Variants in F11 observed in about 807,000 individuals in gnomAD.
The protein encoded by F11 is coagualtion factor XI.
In F11, 78 loss-of-function variants were observed where a neutral mutation model predicts 76.5. The observed-to-expected ratio is 1.02, with a 90% CI of 0.85 to 1.23. The LOEUF is 1.23. Ranked by LOEUF, F11 falls within the 50% of genes most tolerant of loss-of-function variation. The probability of loss-of-function intolerance (pLI) is 0.00; values close to 1 mark genes in which losing one functional copy is unlikely to be tolerated. For synonymous variants in F11, 278 were observed against 276.3 expected (o/e 1.01, Z -0.06); for missense variants, 742 against 771.4 (o/e 0.96, Z 0.45).
intron 2 of F11, among the ~76,000 whole-genome samples, chr4:186,269,635 G>A (rs534027212): frequency 1.3e-5 from 2 of 152,334 alleles, no homozygotes; most frequent in South Asian, 2.1e-4. Context: ...AATGGGCACA[G>A]AGCATCAGCT....
At chr4:186,278,881 C>T (rs886672965) in intron 7 of F11, among the ~76,000 whole-genome samples, 4 of 152,166 alleles carry the variant, frequency 2.6e-5, no homozygotes, top group Admixed American at 2.6e-4. Context: ...GTCCAAAGAT[C>T]AAGCCTTGGG....
intron 10 of F11, chr4:186,281,862 T>G (rs566878878): frequency 1.7e-6 from 2 of 1,203,666 alleles, no homozygotes; most frequent in African/African-American, 3.1e-5. Context: ...TCTGAGAACT[T>G]GTTTTGTAGA....
chr4:186,268,639 A>T (rs943530813), intron 2 of F11, among the ~76,000 whole-genome samples: 22 of 152,206 alleles, frequency 1.4e-4, no homozygotes, highest in African/African-American at 5.3e-4. Context: ...GAATAATAAT[A>T]AAAAGGGAAT....
Position 186,273,996 on chromosome 4 carries a change from C to T in F11, c.326-120C>T, listed in dbSNP as rs4253837. 9,003 of 1,106,784 alleles carry T rather than the reference C, an allele frequency of 8.1e-3. 419 individuals carry two copies. In the African/African-American group the frequency reaches 0.11, roughly 13 times the overall value. 68.6% of individuals were successfully genotyped at this position (1,106,784 alleles called of 1,614,324 possible). A position where few individuals can be genotyped will look rare whatever the true frequency, so the allele number is the denominator to read the frequency against. On this transcript the variant is annotated intron_variant, in intron 4 of 14. Transcript: ENST00000403665. ...ATAAGAATTTTGCAGATTAATATAA[C>T]GAAAGACCTCTGAGGAAAGGTGGGT...
chr4:186,279,188 C>T (rs1468134716), intron 7 of F11, among the ~76,000 whole-genome samples: 4 of 152,244 alleles, frequency 2.6e-5, no homozygotes, highest in East Asian at 3.9e-4. Context: ...ACGAGACCAT[C>T]CTGGCCAACA....
At chr4:186,276,582 CTTTTTTTTT>C (rs33965536) in intron 7 of F11, among the ~76,000 whole-genome samples, 192 bp downstream of exon 7, 4 of 75,916 alleles carry the variant, frequency 5.3e-5, no homozygotes, top group Non-Finnish European at 1.0e-4. Flanking sequence ...ACCGAGGACT[CTTTTTTTTT>C]TTTTTTTTTT....
In F11 at chr4:186,271,710, C is replaced by T. The variant is rs55956266; in HGVS notation, c.157C>T (p.His53Tyr). The T allele has an allele frequency of 3.1e-6, 5 of 1,614,192 alleles. No homozygotes were observed. Among genetic ancestry groups the T allele is most frequent in the South Asian group, 1.1e-5 (1 of 91,080 alleles). ...GTACTGCCAGGTAGTCTGCACTTACCACCCAAGATGTTTACTCTTCACTTT... is the reference window on the plus strand; with the variant it reads ...GTACTGCCAGGTAGTCTGCACTTACTACCCAAGATGTTTACTCTTCACTTT... ...AKYCQVVCTY[H>Y]PRCLLFTFTA... The change falls in exon 3 of 15, where the codon CAC becomes TAC. Residue 53 changes from histidine to tyrosine, a missense_variant. Physicochemically the swap from His to Tyr is moderately conservative, Grantham distance 83. Coordinates refer to ENST00000403665, the MANE Select transcript of F11 (RefSeq NM_000128.4).
At chr4:186,269,816 C>T (rs1739799793) in intron 2 of F11, among the ~76,000 whole-genome samples, 1 of 152,142 alleles carries the variant, frequency 6.6e-6, no homozygotes, top group South Asian at 2.1e-4. Context: ...CCGAAAAATG[C>T]TTGCTAAAAT....
chr4:186,288,350 G>T (rs2126790580), intron 14 of F11, 103 bp from the exon 15 acceptor site: 4 of 1,450,454 alleles, frequency 2.8e-6, no homozygotes, highest in Non-Finnish European at 3.9e-6. Flanking sequence ...ATATTAAGGG[G>T]CCAAGACAAC....
At chr4:186,288,225 T>C (rs1280168101) in intron 14 of F11, among the ~76,000 whole-genome samples, 2 of 152,190 alleles carry the variant, frequency 1.3e-5, no homozygotes, top group Non-Finnish European at 2.9e-5. Context: ...TAATGCATTT[T>C]AAAAAGCAGT....
Position 186,287,671 on chromosome 4 carries a change from A to G in F11, c.1577-13A>G. 1.2e-6 allele frequency: 2 copies of G among 1,604,950 alleles called. No individual in the cohort carries two copies. The highest frequency in any genetic ancestry group is 1.7e-6 in the Non-Finnish European group (2 of 1,174,500). On this transcript the variant is annotated splice_polypyrimidine_tract_variant and intron_variant, in intron 13 of 14. Transcript: ENST00000403665. The stretch of plus-strand genomic sequence containing the variant: ...TGGTTATTCTACAAACGAACCAAAA[A>G]AATTTTTTTCAGACAAAATACAAAA...
Position 186,286,475 on chromosome 4 carries a change from G to A in F11, c.1541G>A (p.Cys514Tyr). ...KGDRNVIYTD[C>Y]WVTGWGYRKL... ...GATAGAAATGTAATATACACTGATT[G>A]CTGGGTGACTGGATGGGGGTACAGA... The change falls in exon 13 of 15, where the codon TGC becomes TAC. Residue 514 changes from cysteine (C) to tyrosine (Y), a missense_variant. By Grantham distance (194) the Cys-to-Tyr change is radical. Transcript: ENST00000403665. The A allele has an allele frequency of 6.2e-7, 1 of 1,613,966 alleles. No individual in the cohort carries two copies.
rs150377265 is a variant in F11, at chr4:186,284,156, G to A, written c.1200G>A (p.Pro400=). The A allele has an allele frequency of 5.1e-5, 83 of 1,614,074 alleles. No homozygotes were observed. Among genetic ancestry groups the A allele is most frequent in the Admixed American group, 2.3e-4 (14 of 60,010 alleles). Residue 400 remains proline (P), a synonymous_variant, in exon 11 of 15, where the codon CCG becomes CCA. Transcript: ENST00000403665. ...GGTASVRGEW[P]WQVTLHTTSP... is the part of the protein sequence containing the mutation. The stretch of plus-strand genomic sequence containing the variant: ...CTGCGTCTGTTCGTGGTGAGTGGCC[G>A]TGGCAGGTGACCCTGCACACAACCT...
rs1741389510 is a variant in F11, at chr4:186,288,576, T to G, written c.1840T>G (p.Tyr614Asp). ...AGGTGTTTACACCAACGTGGTCGAG[T>G]ACGTGGACTGGATTCTGGAGAAAAC... is the stretch of plus-strand genomic sequence containing the variant. ...RPGVYTNVVE[Y>D]VDWILEKTQA... Residue 614 changes from tyrosine to aspartate, a missense_variant, in exon 15 of 15, where the codon TAC (tyrosine) becomes GAC (aspartate). By Grantham distance (160) the Tyr-to-Asp change is radical (BLOSUM62 -3). Transcript: ENST00000403665. 3 of 1,613,978 alleles carry G rather than the reference T, an allele frequency of 1.9e-6. No individual in the cohort carries two copies. Among genetic ancestry groups the G allele is most frequent in the Admixed American group, 1.7e-5 (1 of 60,004 alleles).
chr4:186,290,019 C>A (rs902919328), downstream of F11, among the ~76,000 whole-genome samples: 1 of 152,082 alleles, frequency 6.6e-6, no homozygotes, highest in African/African-American at 2.4e-5. Flanking sequence ...GTGAGAGCAT[C>A]ATGCTGAGCT....
chr4:186,285,537 G>A (rs566364927), intron 11 of F11, 101 bp from the exon 12 acceptor site: 3 of 1,242,694 alleles, frequency 2.4e-6, no homozygotes, highest in African/African-American at 3.0e-5. Flanking sequence ...TCCATCATTG[G>A]CAGAAAATAT....
chr4:186,268,551 G>C (rs4253821), intron 2 of F11, among the ~76,000 whole-genome samples: 113 of 151,858 alleles, frequency 7.4e-4, no homozygotes, highest in Non-Finnish European at 1.3e-3. Flanking sequence ...ATGGGAGCTA[G>C]AATAATAATA....
rs1580079656 is a variant in F11 at position 186,275,882 on chromosome 4, C to T, written c.581C>T (p.Ala194Val). 2 of 1,610,798 alleles carry T rather than the reference C, an allele frequency of 1.2e-6. No individual in the cohort carries two copies. The highest frequency in any genetic ancestry group is 1.1e-5 in the South Asian group (1 of 90,610). Residue 194 changes from alanine (A) to valine (V), a missense_variant, in exon 6 of 15, where the codon GCA becomes GTA. Ala to Val is a moderately conservative substitution (Grantham distance 64). Transcript: ENST00000403665. ...VVSGFSLKSC[A>V]LSNLACIRDI... ...TCTGGATTTTCACTGAAATCCTGTG[C>T]ACTTTCTAATCTGGGTAATTATCGA...
intron 3 of F11, 135 bp from the exon 4 acceptor site, chr4:186,272,936 A>G (rs148096179): frequency 1.0e-4 from 66 of 633,472 alleles, no homozygotes; most frequent in African/African-American, 9.2e-4. Flanking sequence ...GAATCTTGCT[A>G]AGAAAATATT....
Sources: allele counts gnomAD v4.1 joint callset (sites outside exome capture counted in the v4.1 genomes callset), GRCh38; gene constraint gnomAD v4.1.1; transcripts MANE v1.5; gene names NCBI Gene and HGNC (gene_info 2026-07-23, HGNC 2026-07-21).